The following GOLM1 variants were observed in gnomAD, a reference collection of about 807,000 sequenced individuals.
GOLM1 encodes the protein epididymis luminal protein 46.
GOLM1 carries 31 observed loss-of-function variants against 50.5 expected under a neutral mutation model. The ratio of observed to expected loss-of-function variants is 0.61; its 90% CI spans 0.46 to 0.83. The LOEUF (loss-of-function observed/expected upper bound fraction) is 0.83. Among genes scored for constraint, GOLM1 ranks in the 40% least tolerant of loss-of-function variants. The pLI, the probability that GOLM1 is intolerant of heterozygous loss-of-function variation, is 0.00. For missense variants in GOLM1, 491 were observed against 501.3 expected (o/e 0.98, Z 0.20); for synonymous variants, 178 against 192.8 (o/e 0.92, Z 0.64).
chr9:86,030,028 A>G (rs1196143128), intron 9 of GOLM1, among the ~76,000 whole-genome samples: 1 of 152,128 alleles, frequency 6.6e-6, no homozygotes, highest in African/African-American at 2.4e-5. Context: ...CCTAGTGGAC[A>G]TGGTGAAACT....
Position 86,026,897 on chromosome 9 carries a change from C to CA in GOLM1, c.*919_*920insT. On this transcript the variant is annotated 3_prime_UTR_variant, in exon 10 of 10. Transcript: ENST00000388712. ...TCCTAATTTCTAACACTGTATATATCCTTCGACATCAATGAACTTTGTTTT... is the reference window on the plus strand; with the variant it reads ...TCCTAATTTCTAACACTGTATATATCACTTCGACATCAATGAACTTTGTTTT... 3 of 984,474 alleles carry CA rather than the reference C, an allele frequency of 3.0e-6. No individual in the cohort carries two copies. The allele number at this position is 984,474 out of a possible 1,614,324, so 61.0% of individuals were successfully genotyped here. A position where few individuals can be genotyped will look rare whatever the true frequency, so the allele number is the denominator to read the frequency against.
At chr9:86,039,025 A>G (rs1046473522) in intron 6 of GOLM1, among the ~76,000 whole-genome samples, 13 of 151,906 alleles carry the variant, frequency 8.6e-5, no homozygotes, top group Admixed American at 3.3e-4. Flanking sequence ...CAGAATTGGG[A>G]AAAAAAACTT....
At chr9:86,033,743 TA>T (rs2118631814) in intron 8 of GOLM1, among the ~76,000 whole-genome samples, 2 of 152,260 alleles carry the variant, frequency 1.3e-5, no homozygotes, top group South Asian at 4.1e-4. Context: ...TATCTACAGC[TA>T]ATGACAGCAT....
chr9:86,056,706 A>T (rs1346854741), intron 3 of GOLM1, among the ~76,000 whole-genome samples: 1 of 151,838 alleles, frequency 6.6e-6, no homozygotes, highest in Admixed American at 6.6e-5. Context: ...GGGTTTCACC[A>T]TGTTGGCCAG....
intron 3 of GOLM1, among the ~76,000 whole-genome samples, chr9:86,057,705 C>T (rs1440908930): frequency 1.3e-5 from 2 of 152,180 alleles, no homozygotes; most frequent in Non-Finnish European, 2.9e-5. Flanking sequence ...CCTGGGTGAG[C>T]GTGGAGGGCA....
chr9:86,041,005 G>C lies in GOLM1; in HGVS notation c.468-137C>G, dbSNP rs1051245246. 7 of 683,654 alleles carry C rather than the reference G, an allele frequency of 1.0e-5. No homozygotes were observed. In the African/African-American group the frequency reaches 1.3e-4, roughly 12 times the overall value. 42.3% of individuals were successfully genotyped at this position (683,654 alleles called of 1,614,324 possible). ...CATCTGAAGAGGGCACTTAAGACAG[G>C]GCAACACGGGTGTGTGTTCAACAAT... On this transcript the variant is annotated intron_variant, in intron 5 of 9. Transcript: ENST00000388712.
chr9:86,039,936 C>CT (rs1004415082), intron 6 of GOLM1, among the ~76,000 whole-genome samples: 1 of 149,054 alleles, frequency 6.7e-6, no homozygotes, highest in African/African-American at 2.5e-5. Flanking sequence ...CCACTGCACT[C>CT]TGGCCTGGGT....
chr9:86,064,568 C>T (rs752954650), intron 3 of GOLM1, among the ~76,000 whole-genome samples: 2 of 152,208 alleles, frequency 1.3e-5, no homozygotes, highest in African/African-American at 2.4e-5. Flanking sequence ...GCCCTCTCCC[C>T]ACATGGCCAG....
chr9:86,077,404 G>C lies in GOLM1; in HGVS notation c.309+8C>G, dbSNP rs745634810. On this transcript the variant is annotated splice_region_variant and intron_variant, in intron 3 of 9. Transcript: ENST00000388712. The stretch of plus-strand genomic sequence containing the variant: ...AAAAGAACTGAGAGGAAACAAAGCA[G>C]GCCTTGCCTTTTCGTCCTGGTACAG... 1.9e-6 allele frequency: 3 copies of C among 1,610,760 alleles called. No homozygotes were observed. Among genetic ancestry groups the C allele is most frequent in the Non-Finnish European group, 2.5e-6 (3 of 1,176,898 alleles).
intron 5 of GOLM1, among the ~76,000 whole-genome samples, chr9:86,043,063 C>T (rs1419898837): frequency 6.6e-6 from 1 of 152,140 alleles, no homozygotes; most frequent in Non-Finnish European, 1.5e-5. Context: ...TGTTCAAGTA[C>T]AAGGATCTAT....
intron 9 of GOLM1, among the ~76,000 whole-genome samples, chr9:86,029,451 T>C (rs546812524): frequency 1.3e-5 from 2 of 152,266 alleles, no homozygotes; most frequent in East Asian, 3.9e-4. Context: ...AGAGCTGATG[T>C]CTGTATGTAG....
At chr9:86,053,655 AC>A (rs1833880977) in intron 3 of GOLM1, among the ~76,000 whole-genome samples, 2 of 63,932 alleles carry the variant, frequency 3.1e-5, no homozygotes, top group Non-Finnish European at 1.1e-4. Flanking sequence ...ACACCATGCT[AC>A]ACCACTCCAC....
At chr9:86,098,282 AC>A (rs1488079949) in intron 1 of GOLM1, among the ~76,000 whole-genome samples, 1 of 54,648 alleles carries the variant, frequency 1.8e-5, no homozygotes, top group African/African-American at 4.1e-5. Context: ...ATCTTTTATA[AC>A]ACAACTGGAA....
chr9:86,090,955 C>T (rs143332491), intron 1 of GOLM1, among the ~76,000 whole-genome samples: 2,934 of 152,258 alleles, frequency 0.019, 34 homozygotes, highest in Middle Eastern at 0.068. Context: ...GTATCTGGGC[C>T]AGAGTGCACT....
At chr9:86,033,965 C>CTTT (rs36119587) in intron 8 of GOLM1, among the ~76,000 whole-genome samples, 1 of 138,542 alleles carries the variant, frequency 7.2e-6, no homozygotes, top group African/African-American at 2.7e-5. Context: ...TAAACAAAAT[C>CTTT]TTTTTTTTTT....
rs1464823437 is a variant in GOLM1, at chr9:86,077,480, G to A, written c.241C>T (p.Leu81Phe). The change falls in exon 3 of 10, where the codon CTT (leucine) becomes TTT (phenylalanine). Residue 81 changes from leucine to phenylalanine, a missense_variant. Physicochemically the swap from Leu to Phe is conservative, Grantham distance 22 (BLOSUM62 0). Transcript: ENST00000388712. The part of the protein sequence containing the change: ...QGELEKQREQ[L>F]DKIQSSHNFQ... ...TTGTGGCTGGACTGGATTTTGTCAA[G>A]CTGCTCCCGCTGCTTCTCCAGCTCT... 1.2e-6 allele frequency: 2 copies of A among 1,614,038 alleles called. No homozygotes were observed. The highest frequency in any genetic ancestry group is 1.7e-6 in the Non-Finnish European group (2 of 1,179,870).
intron 1 of GOLM1, among the ~76,000 whole-genome samples, chr9:86,086,791 T>C (rs1215442021): frequency 6.6e-6 from 1 of 152,224 alleles, no homozygotes; most frequent in Non-Finnish European, 1.5e-5. Context: ...CTGAGCCCTC[T>C]GTTCTGTTCC....
At chr9:86,050,730 T>C (rs939236340) in intron 4 of GOLM1, among the ~76,000 whole-genome samples, 1 of 152,230 alleles carries the variant, frequency 6.6e-6, no homozygotes, top group African/African-American at 2.4e-5. Context: ...TATTTTTTAC[T>C]GCATGTATTT....
intron 7 of GOLM1, 134 bp downstream of exon 7, chr9:86,036,214 C>A (rs1206161908): frequency 1.2e-6 from 1 of 853,406 alleles, no homozygotes; most frequent in Non-Finnish European, 2.0e-6. Flanking sequence ...ATTCCAGGGG[C>A]CCAGAGAGAC....
Sources: allele counts gnomAD v4.1 joint callset (sites outside exome capture counted in the v4.1 genomes callset), GRCh38; gene constraint gnomAD v4.1.1; transcripts MANE v1.5; gene names NCBI Gene and HGNC (gene_info 2026-07-23, HGNC 2026-07-21).